MYO3A: variants seen among roughly 807,000 people sequenced by gnomAD.
The protein encoded by MYO3A is myosin-IIIa.
A neutral mutation model predicts 192.7 loss-of-function variants in MYO3A; 180 were observed. The observed-to-expected ratio is 0.93, with a 90% CI of 0.83 to 1.06. The LOEUF is 1.06. Ranked by LOEUF, MYO3A falls within the 50% of genes least tolerant of loss-of-function variation. The pLI is 0.00. For synonymous variants in MYO3A, 628 were observed against 645.3 expected (o/e 0.97, Z 0.41); for missense variants, 1,896 against 1,905.0 (o/e 1.00, Z 0.09).
chr10:26,066,898 G>A (rs891477518), intron 10 of MYO3A, 77 bp from the exon 11 acceptor site: 18 of 891,252 alleles, frequency 2.0e-5, no homozygotes, highest in Non-Finnish European at 3.2e-5. Context: ...AGGATTTTCA[G>A]TATCATATGT....
intron 10 of MYO3A, among the ~76,000 whole-genome samples, chr10:26,056,740 A>G (rs957162035): frequency 6.6e-6 from 1 of 152,216 alleles, no homozygotes; most frequent in African/African-American, 2.4e-5. Flanking sequence ...AAACTCCTCT[A>G]GTATTTATCT....
chr10:25,951,044 C>T (rs1371153462), intron 2 of MYO3A, among the ~76,000 whole-genome samples: 2 of 152,030 alleles, frequency 1.3e-5, no homozygotes, highest in South Asian at 4.1e-4. Context: ...TTTATAAAGT[C>T]ACTTGATCTC....
intron 18 of MYO3A, among the ~76,000 whole-genome samples, chr10:26,121,475 T>C (rs1838854864): frequency 6.6e-6 from 1 of 152,100 alleles, no homozygotes; most frequent in Non-Finnish European, 1.5e-5. Flanking sequence ...TCACTCCTCG[T>C]CCAAAAGCTC....
chr10:26,036,741 A>G (rs1843061064), intron 10 of MYO3A, among the ~76,000 whole-genome samples: 1 of 152,180 alleles, frequency 6.6e-6, no homozygotes, highest in Non-Finnish European at 1.5e-5. Flanking sequence ...ATCCACCCAT[A>G]CTGTAGCCCC....
chr10:26,132,723 C>T (rs1839612680), intron 20 of MYO3A, among the ~76,000 whole-genome samples: 1 of 151,630 alleles, frequency 6.6e-6, no homozygotes, highest in South Asian at 2.1e-4. Flanking sequence ...TGAGCTTTTA[C>T]AGACATCATT....
chr10:26,061,292 A>G (rs756313764), intron 10 of MYO3A, among the ~76,000 whole-genome samples: 1 of 152,158 alleles, frequency 6.6e-6, no homozygotes, highest in Non-Finnish European at 1.5e-5. Flanking sequence ...TGATTTCTAC[A>G]CACAACTTTC....
chr10:26,078,453 C>G (rs376051208), intron 14 of MYO3A, among the ~76,000 whole-genome samples: 1 of 151,948 alleles, frequency 6.6e-6, no homozygotes, highest in East Asian at 1.9e-4. Context: ...AAAGAACCAG[C>G]TTTTTGTTTC....
chr10:26,175,596 G>A (rs1198193207), intron 30 of MYO3A, among the ~76,000 whole-genome samples: 3 of 152,202 alleles, frequency 2.0e-5, no homozygotes, highest in Admixed American at 1.3e-4. Flanking sequence ...CTTAGTGCGA[G>A]AGGTGTGGCC....
intron 24 of MYO3A, 65 bp downstream of exon 24, chr10:26,153,994 G>C: frequency 8.7e-7 from 1 of 1,147,892 alleles, no homozygotes; most frequent in Non-Finnish European, 1.3e-6. Flanking sequence ...GGCAATATTT[G>C]TATGCTTCTC....
intron 4 of MYO3A, among the ~76,000 whole-genome samples, chr10:25,993,955 G>C (rs1840244884): frequency 6.6e-6 from 1 of 152,174 alleles, no homozygotes; most frequent in South Asian, 2.1e-4. Flanking sequence ...TTTTGGCATA[G>C]GTGCGGTGTG....
At chr10:25,998,774 A>G (rs1840607463) in intron 6 of MYO3A, among the ~76,000 whole-genome samples, 1 of 152,234 alleles carries the variant, frequency 6.6e-6, no homozygotes, top group African/African-American at 2.4e-5. Flanking sequence ...TTAGCTATTA[A>G]AGAAAAATTT....
chr10:26,092,127 G>A (rs1039787886), intron 15 of MYO3A, among the ~76,000 whole-genome samples: 9 of 152,176 alleles, frequency 5.9e-5, no homozygotes, highest in Non-Finnish European at 1.0e-4. Context: ...GATTAAAAAG[G>A]AAAAACTGAA....
intron 30 of MYO3A, among the ~76,000 whole-genome samples, chr10:26,176,026 G>A (rs1178384293): frequency 1.3e-5 from 2 of 152,140 alleles, no homozygotes; most frequent in Non-Finnish European, 2.9e-5. Context: ...CGGGCGCGGT[G>A]GCTCAAGCCT....
chr10:26,150,029 CGTGTGTGT>C (rs35589117), intron 23 of MYO3A, among the ~76,000 whole-genome samples: 26 of 149,492 alleles, frequency 1.7e-4, no homozygotes, highest in African/African-American at 5.7e-4. Flanking sequence ...GAATAGTATT[CGTGTGTGT>C]GTGTGTGTGT....
At chr10:26,121,170 C>A (rs1033085141) in intron 18 of MYO3A, among the ~76,000 whole-genome samples, 1 of 150,688 alleles carries the variant, frequency 6.6e-6, no homozygotes, top group Non-Finnish European at 1.5e-5. Context: ...TAATAAAGAC[C>A]TGTATGTTTC....
At chr10:26,140,657 C>G (rs1840103744) in intron 20 of MYO3A, among the ~76,000 whole-genome samples, 1 of 150,350 alleles carries the variant, frequency 6.7e-6, no homozygotes, top group Admixed American at 6.6e-5. Context: ...TGTACTCCAG[C>G]CTGGGTGACA....
At chr10:26,132,438 C>T (rs575943105) in intron 20 of MYO3A, among the ~76,000 whole-genome samples, 1 of 152,132 alleles carries the variant, frequency 6.6e-6, no homozygotes, top group Non-Finnish European at 1.5e-5. Flanking sequence ...TACTTCAAAT[C>T]AAGGGGAGTA....
intron 20 of MYO3A, 138 bp from the exon 21 acceptor site, chr10:26,143,310 G>A (rs1018485163): frequency 8.3e-6 from 7 of 845,138 alleles, no homozygotes; most frequent in East Asian, 5.6e-5. Context: ...CAGCCTGGAC[G>A]ACAGAGCGAG....
chr10:26,134,530 T>C (rs1160334371), intron 20 of MYO3A, among the ~76,000 whole-genome samples: 1 of 152,140 alleles, frequency 6.6e-6, no homozygotes, highest in Non-Finnish European at 1.5e-5. Flanking sequence ...AATATGTGTA[T>C]ATAGAAAGAG....
Sources: allele counts gnomAD v4.1 joint callset (sites outside exome capture counted in the v4.1 genomes callset), GRCh38; gene constraint gnomAD v4.1.1; transcripts MANE v1.5; gene names NCBI Gene and HGNC (gene_info 2026-07-23, HGNC 2026-07-21).